Variants in PDE5A observed in about 807,000 individuals in gnomAD.
PDE5A encodes the protein phosphodiesterase 5A.
PDE5A carries 67 observed loss-of-function variants against 110.2 expected under a neutral mutation model. The observed-to-expected ratio is 0.61, with a 90% CI of 0.50 to 0.75. PDE5A has a LOEUF of 0.75. PDE5A is among the 30% of genes least tolerant of loss of function. The pLI is 0.00. For missense variants in PDE5A, 862 were observed against 1,045.1 expected (o/e 0.82, Z 2.42); for synonymous variants, 328 against 351.2 (o/e 0.93, Z 0.74).
At chr4:119,628,411 C>A in intron 1 of PDE5A, 109 bp downstream of exon 1, 1 of 863,114 alleles carries the variant, frequency 1.2e-6, no homozygotes, top group South Asian at 1.8e-5. Context: ...CGTAACAGGA[C>A]CGAGGACCTA....
intron 12 of PDE5A, among the ~76,000 whole-genome samples, chr4:119,521,447 G>A (rs1560600441): frequency 6.6e-6 from 1 of 151,146 alleles, no homozygotes; most frequent in Non-Finnish European, 1.5e-5. Context: ...GAGTCCAAAG[G>A]TTCACATAGG....
rs1725537000 is a variant in PDE5A, at chr4:119,505,920, T to C, written c.2202A>G (p.Glu734=). 9.6e-6 allele frequency: 15 copies of C among 1,567,164 alleles called. No individual in the cohort carries two copies. The highest frequency in any genetic ancestry group is 1.3e-5 in the Non-Finnish European group (15 of 1,155,820). ...DLALYIKRRG[E]FFELIRKNQF... is the part of the protein sequence containing the mutation. ...GATTTTTTCTTATAAGTTCAAAAAA[T>C]TCTCCTCGCCTCCTACAATGTTTAA... Residue 734 remains glutamate, a synonymous_variant, in exon 17 of 21, where the codon GAA becomes GAG. Transcript: ENST00000354960.
At chr4:119,578,009 G>T (rs562190352) in intron 3 of PDE5A, among the ~76,000 whole-genome samples, 2 of 152,064 alleles carry the variant, frequency 1.3e-5, no homozygotes, top group Admixed American at 6.5e-5. Context: ...CAAAATCGAT[G>T]GGCAAAAATC....
intron 3 of PDE5A, among the ~76,000 whole-genome samples, chr4:119,572,167 C>G (rs1728162267): frequency 6.6e-6 from 1 of 152,176 alleles, no homozygotes; most frequent in Non-Finnish European, 1.5e-5. Flanking sequence ...CTATACGAGG[C>G]AGGGTATTCC....
chr4:119,505,204 T>C (rs1481707270), intron 17 of PDE5A, among the ~76,000 whole-genome samples: 2 of 151,984 alleles, frequency 1.3e-5, no homozygotes, highest in Non-Finnish European at 2.9e-5. Flanking sequence ...CTTGTATGAT[T>C]TAATTCTCTA....
At chr4:119,605,978 T>C (rs1256098900) in intron 2 of PDE5A, among the ~76,000 whole-genome samples, 1 of 152,192 alleles carries the variant, frequency 6.6e-6, no homozygotes, top group Non-Finnish European at 1.5e-5. Context: ...ACATATAAAG[T>C]GCCATTCAGT....
At chr4:119,621,368 T>TTCTC (rs1730136137) in intron 1 of PDE5A, among the ~76,000 whole-genome samples, 1 of 152,150 alleles carries the variant, frequency 6.6e-6, no homozygotes, top group Non-Finnish European at 1.5e-5. Context: ...GTGACCCAGG[T>TTCTC]GAGACCAGGG....
chr4:119,623,767 C>A (rs764294993), intron 1 of PDE5A, among the ~76,000 whole-genome samples: 2 of 152,142 alleles, frequency 1.3e-5, no homozygotes, highest in Non-Finnish European at 1.5e-5. Context: ...ACAATTTCTA[C>A]AGATCATCAG....
Position 119,498,215 on chromosome 4 carries a change from A to T in PDE5A, c.*386T>A, listed in dbSNP as rs1725154621. ...CTAACCTACTTTTGAAAAAGGAAAGATTCCAAACATTCTTGAAAAAATGGT... is the reference window on the plus strand; with the variant it reads ...CTAACCTACTTTTGAAAAAGGAAAGTTTCCAAACATTCTTGAAAAAATGGT... On this transcript the variant is annotated 3_prime_UTR_variant, in exon 21 of 21. Coordinates refer to ENST00000354960, the MANE Select transcript of PDE5A (RefSeq NM_001083.4). 6.2e-6 allele frequency: 1 copy of T among 160,408 alleles called. No individual in the cohort carries two copies. Among genetic ancestry groups the T allele is most frequent in the Admixed American group, 6.2e-5 (1 of 16,098 alleles). 9.9% of individuals were successfully genotyped at this position (160,408 alleles called of 1,614,324 possible). A position where few individuals can be genotyped will look rare whatever the true frequency, so the allele number is the denominator to read the frequency against.
At chr4:119,549,403 G>A (rs987989992) in intron 9 of PDE5A, 2 of 152,210 alleles carry the variant, frequency 1.3e-5, no homozygotes, top group Non-Finnish European at 2.9e-5. Flanking sequence ...CAGTGTACAT[G>A]AGAAGGGATT....
intron 9 of PDE5A, among the ~76,000 whole-genome samples, chr4:119,544,155 C>T (rs185566841): frequency 2.4e-4 from 36 of 152,246 alleles, no homozygotes; most frequent in South Asian, 4.1e-4. Flanking sequence ...GACGGTTGCA[C>T]ATTAAGCCCC....
intron 3 of PDE5A, among the ~76,000 whole-genome samples, chr4:119,582,765 G>A (rs552133815): frequency 6.6e-6 from 1 of 152,268 alleles, no homozygotes; most frequent in African/African-American, 2.4e-5. Context: ...CTGAGCTCCT[G>A]GGTGACTAGG....
chr4:119,505,611 C>T (rs1049120245), intron 17 of PDE5A, among the ~76,000 whole-genome samples: 2 of 151,892 alleles, frequency 1.3e-5, no homozygotes, highest in African/African-American at 2.4e-5. Context: ...TATTGATACT[C>T]TACCACATTT....
chr4:119,601,913 C>T (rs1729360507), intron 2 of PDE5A, among the ~76,000 whole-genome samples: 1 of 152,040 alleles, frequency 6.6e-6, no homozygotes, highest in Admixed American at 6.6e-5. Flanking sequence ...AGGCCTGTAC[C>T]CTTTAACAAT....
intron 8 of PDE5A, among the ~76,000 whole-genome samples, chr4:119,552,844 G>A (rs913473941): frequency 7.9e-5 from 12 of 151,536 alleles, no homozygotes; most frequent in South Asian, 2.1e-4. Context: ...TAAAAATATC[G>A]GAATTTTTTT....
chr4:119,586,006 C>G (rs910430343), intron 3 of PDE5A, among the ~76,000 whole-genome samples: 1 of 152,120 alleles, frequency 6.6e-6, no homozygotes, highest in Admixed American at 6.5e-5. Context: ...ACATCCTGAC[C>G]GCGTGAGATA....
intron 3 of PDE5A, among the ~76,000 whole-genome samples, chr4:119,579,566 A>T (rs2110520070): frequency 6.6e-6 from 1 of 152,138 alleles, no homozygotes; most frequent in African/African-American, 2.4e-5. Flanking sequence ...GGAAACCATC[A>T]TTCTCAGCAA....
chr4:119,515,317 C>G (rs1048650003), intron 14 of PDE5A, among the ~76,000 whole-genome samples: 4 of 152,068 alleles, frequency 2.6e-5, no homozygotes, highest in Non-Finnish European at 1.5e-5. Flanking sequence ...CCCTCTATTC[C>G]CACTGTGCCA....
chr4:119,580,367 T>G (rs1486525514), intron 3 of PDE5A, among the ~76,000 whole-genome samples: 1 of 152,182 alleles, frequency 6.6e-6, no homozygotes, highest in Non-Finnish European at 1.5e-5. Context: ...GCATAGCCAT[T>G]GCGAGCAAAG....
Sources: allele counts gnomAD v4.1 joint callset (sites outside exome capture counted in the v4.1 genomes callset), GRCh38; gene constraint gnomAD v4.1.1; transcripts MANE v1.5; gene names NCBI Gene and HGNC (gene_info 2026-07-23, HGNC 2026-07-21).